The following UNC13C variants were observed in gnomAD, a reference collection of about 807,000 sequenced individuals.
The protein encoded by UNC13C is unc-13 homolog C.
Under a neutral mutation model 245.4 loss-of-function variants are expected in UNC13C, and 174 were observed. The observed-to-expected ratio is 0.71, with a 90% confidence interval of 0.63 to 0.80. UNC13C has a LOEUF of 0.80. Ranked by LOEUF, UNC13C falls within the 30% of genes least tolerant of loss-of-function variation. The pLI, the probability that UNC13C is intolerant of heterozygous loss-of-function variation, is 0.00. For missense variants in UNC13C, 2,829 were observed against 2,602.9 expected, an observed-to-expected ratio of 1.09 and a Z score of -1.89; for synonymous variants, 992 against 895.1, an observed-to-expected ratio of 1.11 and a Z score of -1.93.
At chr15:54,226,509 G>A (rs1216666833) in intron 4 of UNC13C, among the ~76,000 whole-genome samples, 2 of 152,140 alleles carry the variant, frequency 1.3e-5, no homozygotes, top group African/African-American at 2.4e-5. Context: ...TTGCCACCAG[G>A]ACCTTCTGCT....
intron 30 of UNC13C, among the ~76,000 whole-genome samples, chr15:54,570,622 C>A (rs1244304605): frequency 6.6e-6 from 1 of 152,108 alleles, no homozygotes; most frequent in Non-Finnish European, 1.5e-5. Flanking sequence ...CTATCACAAT[C>A]CCATCTCAAT....
At chr15:54,585,329 T>C in intron 30 of UNC13C, among the ~76,000 whole-genome samples, 1 of 152,104 alleles carries the variant, frequency 6.6e-6, no homozygotes, top group African/African-American at 2.4e-5. Context: ...TGCCCCCGTG[T>C]CTCTCTTGCT....
intron 4 of UNC13C, among the ~76,000 whole-genome samples, chr15:54,196,189 T>C (rs1323686641): frequency 6.6e-6 from 1 of 152,072 alleles, no homozygotes; most frequent in Non-Finnish European, 1.5e-5. Flanking sequence ...AGTATATAGG[T>C]GAATTTGCAA....
intron 32 of UNC13C, among the ~76,000 whole-genome samples, chr15:54,624,394 C>G (rs1399329085): frequency 1.6e-5 from 1 of 62,312 alleles, no homozygotes; most frequent in Admixed American, 1.4e-4. Context: ...ACATTTCAGA[C>G]AAAGTGAAAT....
chr15:54,630,951 TTTC>T (rs1177339891), downstream of UNC13C: 2 of 152,166 alleles, frequency 1.3e-5, no homozygotes, highest in East Asian at 1.9e-4. Context: ...TTAGTACATG[TTTC>T]TTCTTATAAT....
intron 24 of UNC13C, among the ~76,000 whole-genome samples, chr15:54,518,684 G>T (rs1895085358): frequency 2.6e-5 from 4 of 152,136 alleles, no homozygotes; most frequent in African/African-American, 7.2e-5. Flanking sequence ...ATGGCTCACA[G>T]AGAACACTCT....
At chr15:53,884,724 G>T in the UNC13C span, among the ~76,000 whole-genome samples, 3 of 152,080 alleles carry the variant, frequency 2.0e-5, no homozygotes, top group South Asian at 6.2e-4. Flanking sequence ...TTGAGTCTTG[G>T]CATTCTCTGA....
At chr15:54,377,268 G>A (rs1039886590) in intron 17 of UNC13C, among the ~76,000 whole-genome samples, 2 of 152,166 alleles carry the variant, frequency 1.3e-5, no homozygotes, top group African/African-American at 2.4e-5. Context: ...ACTACAGCCT[G>A]GAAATAGATC....
At position 54,627,627 on chromosome 15, in the gene UNC13C, T is replaced by C. The variant is rs919298831; in HGVS notation, c.*514T>C. 2.0e-5 allele frequency: 3 copies of C among 152,738 alleles called. No homozygotes were observed. The highest frequency in any genetic ancestry group is 1.9e-4 in the East Asian group (1 of 5,198). The allele number at this position is 152,738 out of a possible 1,614,324, so 9.5% of individuals were successfully genotyped here. On this transcript the variant is annotated 3_prime_UTR_variant, in exon 33 of 33. Coordinates refer to ENST00000260323, the MANE Select transcript of UNC13C (RefSeq NM_001080534.3). ...TGTGATTTTTGCATACACATTAAAA[T>C]AGAAAAGGTGGGAAATATTTTCTGC...
intron 2 of UNC13C, among the ~76,000 whole-genome samples, chr15:54,034,873 T>C (rs142900203): frequency 6.5e-4 from 99 of 152,302 alleles, no homozygotes; most frequent in African/African-American, 2.2e-3. Context: ...GAGACTACTC[T>C]GAAGTAAGAG....
At chr15:54,368,919 C>G (rs2039426594) in intron 17 of UNC13C, among the ~76,000 whole-genome samples, 1 of 151,940 alleles carries the variant, frequency 6.6e-6, no homozygotes. Flanking sequence ...TCATAAAGTC[C>G]AAAGAGTAAA....
intron 2 of UNC13C, among the ~76,000 whole-genome samples, chr15:54,085,245 A>C (rs1199093732): frequency 1.3e-5 from 2 of 152,178 alleles, no homozygotes; most frequent in Non-Finnish European, 1.5e-5. Context: ...AGATATGCTC[A>C]AAATTTAGGG....
chr15:54,264,131 A>T (rs2036494508), intron 8 of UNC13C, 37 bp from the exon 9 acceptor site: 3 of 1,544,912 alleles, frequency 1.9e-6, no homozygotes, highest in Non-Finnish European at 2.6e-6. Flanking sequence ...AAGTAATGGC[A>T]TTTCCATTCA....
intron 1 of UNC13C, among the ~76,000 whole-genome samples, chr15:53,992,458 C>T (rs1430129104): frequency 6.6e-6 from 1 of 152,030 alleles, no homozygotes; most frequent in East Asian, 1.9e-4. Flanking sequence ...AAGTAAGAAG[C>T]CTCCATATTG....
chr15:53,865,678 C>T, the UNC13C span, among the ~76,000 whole-genome samples: 8 of 152,142 alleles, frequency 5.3e-5, no homozygotes, highest in South Asian at 1.5e-3. Flanking sequence ...ATGCTGAAGG[C>T]TTCAGTATTA....
chr15:54,341,416 T>C (rs2038726256), intron 17 of UNC13C, among the ~76,000 whole-genome samples: 1 of 152,056 alleles, frequency 6.6e-6, no homozygotes, highest in African/African-American at 2.4e-5. Flanking sequence ...ATGGGAACAA[T>C]AGAAACTAGG....
chr15:54,419,634 C>T (rs1271103658), intron 19 of UNC13C, among the ~76,000 whole-genome samples: 1 of 152,042 alleles, frequency 6.6e-6, no homozygotes, highest in African/African-American at 2.4e-5. Context: ...TTATCCCTGC[C>T]TGAACTCAAA....
chr15:54,525,795 A>G (rs1339728951), intron 25 of UNC13C, among the ~76,000 whole-genome samples, 158 bp downstream of exon 25: 3 of 152,180 alleles, frequency 2.0e-5, no homozygotes, highest in African/African-American at 4.8e-5. Flanking sequence ...ATGACCCCAC[A>G]ATCTAATAGT....
chr15:54,153,248 G>A (rs1221035855), intron 4 of UNC13C, among the ~76,000 whole-genome samples: 1 of 151,930 alleles, frequency 6.6e-6, no homozygotes, highest in African/African-American at 2.4e-5. Flanking sequence ...CATTTAGAAA[G>A]AATATAAAAT....
Sources: allele counts gnomAD v4.1 joint callset (sites outside exome capture counted in the v4.1 genomes callset), GRCh38; gene constraint gnomAD v4.1.1; transcripts MANE v1.5; gene names NCBI Gene and HGNC (gene_info 2026-07-23, HGNC 2026-07-21).